Variants in FHIT observed in about 807,000 individuals in gnomAD.
The protein encoded by FHIT is bis(5'-adenosyl)-triphosphatase.
A neutral mutation model predicts 17.9 loss-of-function variants in FHIT; 19 were observed. That is an observed-to-expected ratio of 1.06 (90% confidence interval 0.74 to 1.56). FHIT has a LOEUF of 1.56. Ranked by LOEUF, FHIT falls within the 40% of genes most tolerant of loss-of-function variation. The probability of loss-of-function intolerance (pLI) is 0.00; values close to 1 mark genes in which losing one functional copy is unlikely to be tolerated. For synonymous variants in FHIT, 81 were observed against 69.7 expected (o/e 1.16, Z -0.81); for missense variants, 248 against 189.2 (o/e 1.31, Z -1.82).
At chr3:60,082,857 A>C (rs1213408934) in intron 5 of FHIT, among the ~76,000 whole-genome samples, 2 of 152,044 alleles carry the variant, frequency 1.3e-5, no homozygotes, top group African/African-American at 4.8e-5. Context: ...TTCCATATAG[A>C]TTCTGGGTAT....
At chr3:61,155,486 AG>A (rs78689186) in intron 2 of FHIT, among the ~76,000 whole-genome samples, 7,216 of 152,174 alleles carry the variant, frequency 0.047, 536 homozygotes, top group East Asian at 0.28. Flanking sequence ...TTATTATAAA[AG>A]TTTTCAAATA....
chr3:59,863,175 A>C (rs190147052), intron 8 of FHIT, among the ~76,000 whole-genome samples: 1 of 152,304 alleles, frequency 6.6e-6, no homozygotes. Flanking sequence ...CTCCATGCCA[A>C]TGCAGTTACC....
intron 5 of FHIT, among the ~76,000 whole-genome samples, chr3:60,343,871 C>T (rs1710643887): frequency 6.6e-6 from 1 of 152,136 alleles, no homozygotes; most frequent in South Asian, 2.1e-4. Flanking sequence ...TACTAGAATT[C>T]CATGAAGCAT....
chr3:60,901,798 A>G (rs1706127085), intron 3 of FHIT, among the ~76,000 whole-genome samples: 1 of 152,198 alleles, frequency 6.6e-6, no homozygotes, highest in African/African-American at 2.4e-5. Context: ...GGTTCAAGGA[A>G]GTTCATGGGC....
At chr3:60,807,104 C>G (rs971770819) in intron 4 of FHIT, among the ~76,000 whole-genome samples, 9 of 152,062 alleles carry the variant, frequency 5.9e-5, no homozygotes, top group Non-Finnish European at 1.2e-4. Context: ...AATTTTCAGG[C>G]CTCTCTCCAA....
intron 7 of FHIT, among the ~76,000 whole-genome samples, chr3:59,964,263 A>T (rs1023851069): frequency 1.3e-5 from 2 of 152,144 alleles, no homozygotes; most frequent in African/African-American, 4.8e-5. Context: ...AGGTATGAAA[A>T]AGGAACATTT....
At chr3:59,824,282 G>C (rs1700899578) in intron 8 of FHIT, among the ~76,000 whole-genome samples, 1 of 152,046 alleles carries the variant, frequency 6.6e-6, no homozygotes, top group Non-Finnish European at 1.5e-5. Context: ...AAGAAGGAAA[G>C]GGGTAAAAAA....
intron 5 of FHIT, among the ~76,000 whole-genome samples, chr3:60,368,623 TTTTTA>T (rs1351131456): frequency 1.3e-5 from 2 of 152,116 alleles, no homozygotes; most frequent in Non-Finnish European, 2.9e-5. Flanking sequence ...GTAGCTTGCC[TTTTTA>T]TTTTCTCAAC....
chr3:60,632,830 C>T lies in FHIT; in HGVS notation c.-17-95851G>A, dbSNP rs536366426. Among the ~76,000 whole-genome samples the T allele has an allele frequency of 8.5e-5, 13 of 152,308 alleles. No homozygotes were observed. The East Asian group carries it at 2.3e-3, about 27-fold the overall frequency. On this transcript the variant is annotated intron_variant, in intron 4 of 9. Coordinates refer to ENST00000492590, the MANE Select transcript of FHIT (RefSeq NM_002012.4). Reference sequence around the variant, plus strand: ...GAGAATGGATTTCTTTCCCTCACTACCTTCTTAGACAATACAACAGAGGTT... The same window carrying T: ...GAGAATGGATTTCTTTCCCTCACTATCTTCTTAGACAATACAACAGAGGTT...
intron 4 of FHIT, among the ~76,000 whole-genome samples, chr3:60,613,648 TC>T (rs1559582336): frequency 1.3e-5 from 2 of 152,138 alleles, no homozygotes; most frequent in African/African-American, 4.8e-5. Context: ...TACTTCCTTT[TC>T]TTTAACTTCC....
chr3:61,105,736 T>A (rs2035970897), intron 2 of FHIT, among the ~76,000 whole-genome samples: 2 of 152,194 alleles, frequency 1.3e-5, no homozygotes, highest in African/African-American at 2.4e-5. Flanking sequence ...TATACTCACT[T>A]GGGATCCTTC....
intron 5 of FHIT, among the ~76,000 whole-genome samples, chr3:60,176,934 C>T (rs560758124): frequency 6.6e-6 from 1 of 151,432 alleles, no homozygotes; most frequent in Non-Finnish European, 1.5e-5. Context: ...GGAAAGAAAC[C>T]AAGGAGGGCA....
At chr3:60,886,925 G>GC (rs1334916689) in intron 3 of FHIT, among the ~76,000 whole-genome samples, 1 of 152,158 alleles carries the variant, frequency 6.6e-6, no homozygotes, top group Non-Finnish European at 1.5e-5. Flanking sequence ...TTTATAGCAT[G>GC]CCGTGGTTTG....
chr3:60,427,916 A>C lies in FHIT; in HGVS notation c.103+108944T>G, dbSNP rs1460279433. On this transcript the variant is annotated intron_variant, in intron 5 of 9. Transcript: ENST00000492590. ...CTGTTAATGTCTTCTCCATCCTCCC[A>C]ATCATTTAGTTTGTAAACATCACTA... 2.6e-5 allele frequency among the ~76,000 whole-genome samples: 4 copies of C among 152,110 alleles called. No homozygotes were observed. The East Asian group carries it at 7.8e-4, about 30-fold the overall frequency.
chr3:60,242,484 A>C (rs1705180601), intron 5 of FHIT, among the ~76,000 whole-genome samples: 1 of 152,024 alleles, frequency 6.6e-6, no homozygotes, highest in South Asian at 2.1e-4. Flanking sequence ...GCTTCTCCCC[A>C]ATCCACATAA....
chr3:60,942,405 T>C (rs1273384345), intron 3 of FHIT, among the ~76,000 whole-genome samples: 1 of 152,178 alleles, frequency 6.6e-6, no homozygotes, highest in Non-Finnish European at 1.5e-5. Flanking sequence ...GTGTATATCA[T>C]GGATATATAT....
At chr3:60,637,409 T>C (rs2107784861) in intron 4 of FHIT, among the ~76,000 whole-genome samples, 1 of 152,286 alleles carries the variant, frequency 6.6e-6, no homozygotes, top group South Asian at 2.1e-4. Context: ...GTACTCAATA[T>C]GGTACCTCAC....
In FHIT at chr3:60,749,587, T is replaced by C. The variant is rs569183996; in HGVS notation, c.-18+72332A>G. 1.6e-4 allele frequency among the ~76,000 whole-genome samples: 25 copies of C among 152,288 alleles called. 1 individual carries two copies. The Middle Eastern group carries it at 0.014, about 83-fold the overall frequency. On this transcript the variant is annotated intron_variant, in intron 4 of 9. Transcript: ENST00000492590. ...TTAAGCCAAGATGACAGAGAGATCATTGTCACCACTAACACAAATAAGGAA... is the reference window on the plus strand; with the variant it reads ...TTAAGCCAAGATGACAGAGAGATCACTGTCACCACTAACACAAATAAGGAA...
chr3:60,259,292 C>A (rs574141024), intron 5 of FHIT, among the ~76,000 whole-genome samples: 1 of 152,220 alleles, frequency 6.6e-6, no homozygotes, highest in South Asian at 2.1e-4. Flanking sequence ...ATCTTTCTTT[C>A]AACAAATGTT....
Sources: gnomAD v4.1 joint callset for allele counts (sites outside exome capture counted in the v4.1 genomes callset) on GRCh38, gnomAD v4.1.1 for gene constraint, MANE v1.5 for transcripts, NCBI Gene and HGNC (gene_info 2026-07-23, HGNC 2026-07-21) for gene names.